The following ODF2L variants were observed in gnomAD, a reference collection of about 807,000 sequenced individuals.
The protein encoded by ODF2L is outer dense fiber of sperm tails 2 like, also known as protein BCAP.
Under a neutral mutation model 86.3 loss-of-function variants are expected in ODF2L, and 76 were observed. That is an observed-to-expected ratio of 0.88 (90% CI 0.73 to 1.07). ODF2L has a LOEUF of 1.07. Ranked by LOEUF, ODF2L falls within the 50% of genes least tolerant of loss-of-function variation. The probability of loss-of-function intolerance (pLI) is 0.00; values close to 1 mark genes in which losing one functional copy is unlikely to be tolerated. For synonymous variants in ODF2L, 241 were observed against 231.3 expected (o/e 1.04, Z -0.38); for missense variants, 748 against 717.4 (o/e 1.04, Z -0.49).
In ODF2L at chr1:86,373,735, T is replaced by C. The variant is rs192122230; in HGVS notation, c.811-1195A>G. On this transcript the variant is annotated intron_variant, in intron 8 of 17. Transcript: ENST00000317336. ...TCCACAGCTCCATAACATTTGGTGATGTACCTTACTTGTCTTTGCTATAAT... is the reference window on the plus strand; with the variant it reads ...TCCACAGCTCCATAACATTTGGTGACGTACCTTACTTGTCTTTGCTATAAT... Among the ~76,000 whole-genome samples, 15 of 151,934 alleles carry C rather than the reference T, an allele frequency of 9.9e-5. No homozygotes were observed. The East Asian group carries it at 2.7e-3, about 27-fold the overall frequency.
intron 7 of ODF2L, 125 bp downstream of exon 7, chr1:86,382,117 T>C: frequency 8.0e-7 from 1 of 1,246,102 alleles, no homozygotes; most frequent in Non-Finnish European, 1.0e-6. Flanking sequence ...ACCTTAAATA[T>C]GTATTTCCCA....
chr1:86,385,379 T>A (rs1660872304), intron 3 of ODF2L, 79 bp downstream of exon 3: 1 of 824,536 alleles, frequency 1.2e-6, no homozygotes, highest in South Asian at 1.8e-5. Context: ...CATACCTATA[T>A]AAGATATGAG....
chr1:86,358,030 A>T (rs772656581), intron 13 of ODF2L: 3 of 984,994 alleles, frequency 3.0e-6, no homozygotes, highest in African/African-American at 1.7e-5. Flanking sequence ...AGCTATCTTT[A>T]TGTCTGTATA....
intron 7 of ODF2L, among the ~76,000 whole-genome samples, chr1:86,380,392 A>G (rs1162483260): frequency 6.6e-6 from 1 of 152,196 alleles, no homozygotes; most frequent in Non-Finnish European, 1.5e-5. Context: ...AAACAGCAGT[A>G]CAGTAAGTCG....
chr1:86,360,680 T>C lies in ODF2L; in HGVS notation c.1144-144A>G, dbSNP rs562645596. The C allele has an allele frequency of 1.8e-4, 81 of 441,862 alleles. No homozygotes were observed. The East Asian group carries it at 2.8e-3, about 15-fold the overall frequency. The allele number at this position is 441,862 out of a possible 1,614,324, so 27.4% of individuals were successfully genotyped here. ...ATTTCATGCAATACCATCTAAAATT[T>C]AGGAATTTCACAAAGCTAGTGACTA... On this transcript the variant is annotated intron_variant, in intron 11 of 17. Coordinates refer to ENST00000317336, the Ensembl canonical transcript of ODF2L.
intron 7 of ODF2L, among the ~76,000 whole-genome samples, chr1:86,379,991 A>C (rs998802596): frequency 1.2e-4 from 19 of 152,336 alleles, no homozygotes; most frequent in Non-Finnish European, 1.9e-4. Context: ...AATTATTTTA[A>C]GACTGTGTAC....
chr1:86,347,167 C>A (rs1657847357), downstream of ODF2L: 1 of 152,240 alleles, frequency 6.6e-6, no homozygotes, highest in Non-Finnish European at 1.5e-5. Flanking sequence ...AAGTTTCATA[C>A]CACAGCCATG....
At chr1:86,392,094 A>G (rs570523739) in intron 1 of ODF2L, among the ~76,000 whole-genome samples, 118 of 152,326 alleles carry the variant, frequency 7.7e-4, no homozygotes, top group Non-Finnish European at 1.4e-3. Context: ...AAAATGCTCA[A>G]CATCACTAAT....
chr1:86,348,307 T>C (rs921601889), downstream of ODF2L: 1 of 151,866 alleles, frequency 6.6e-6, no homozygotes, highest in African/African-American at 2.4e-5. Context: ...TTAGAAAGTA[T>C]GTAATTACAC....
At chr1:86,382,326 T>C (rs371613769) in exon 7 of ODF2L, 2 of 1,611,922 alleles carry the variant, frequency 1.2e-6, no homozygotes, top group African/African-American at 1.3e-5. Context: ...CTTTTACTGA[T>C]TGGGAAAAAC....
downstream of ODF2L, chr1:86,348,885 A>G: frequency 6.5e-7 from 1 of 1,549,758 alleles, no homozygotes; most frequent in African/African-American, 1.4e-5. Flanking sequence ...CTTTCTAAAG[A>G]AAAAAGGAAA....
intron 11 of ODF2L, among the ~76,000 whole-genome samples, chr1:86,363,498 T>C (rs1462346338): frequency 1.3e-5 from 2 of 152,194 alleles, no homozygotes; most frequent in Admixed American, 6.5e-5. Context: ...ATTTTACTTA[T>C]AGTAGACACA....
chr1:86,392,014 CAA>C (rs1661367006), intron 1 of ODF2L, among the ~76,000 whole-genome samples: 1 of 152,006 alleles, frequency 6.6e-6, no homozygotes, highest in African/African-American at 2.4e-5. Flanking sequence ...AAAATCCCAT[CAA>C]AAAGTGGGCT....
chr1:86,354,717 A>T (rs756096526), intron 15 of ODF2L, 25 bp from the exon 15 acceptor site: 9 of 1,578,084 alleles, frequency 5.7e-6, no homozygotes, highest in Non-Finnish European at 7.8e-6. Flanking sequence ...CATATATTTT[A>T]AAATGTTAAT....
At chr1:86,387,148 TAA>T (rs1311493685) in intron 1 of ODF2L, 62 bp from the exon 2 acceptor site, 8 of 527,094 alleles carry the variant, frequency 1.5e-5, no homozygotes, top group Non-Finnish European at 2.6e-5. Context: ...TACTCTCTCA[TAA>T]AAAATAAAGG....
chr1:86,357,056 G>C (rs1479223778), intron 13 of ODF2L, among the ~76,000 whole-genome samples: 1 of 152,162 alleles, frequency 6.6e-6, no homozygotes, highest in Non-Finnish European at 1.5e-5. Flanking sequence ...AGCCAAAACT[G>C]ATAGGGTTTA....
chr1:86,372,509 G>A, exon 9 of ODF2L: 1 of 1,522,678 alleles, frequency 6.6e-7, no homozygotes, highest in South Asian at 1.4e-5. Flanking sequence ...CCAGGCATTG[G>A]AAGCTGAAAT....
intron 6 of ODF2L, 22 bp downstream of exon 6, chr1:86,382,909 C>A: frequency 7.6e-7 from 1 of 1,321,920 alleles, no homozygotes; most frequent in Non-Finnish European, 1.1e-6. Flanking sequence ...GAATTAAGCT[C>A]AAAAGCTCAA....
At chr1:86,372,997 A>C (rs1336370534) in intron 8 of ODF2L, among the ~76,000 whole-genome samples, 1 of 152,110 alleles carries the variant, frequency 6.6e-6, no homozygotes, top group Non-Finnish European at 1.5e-5. Flanking sequence ...GGGGTAAAAG[A>C]CTACACATTG....
Sources: allele counts gnomAD v4.1 joint callset (sites outside exome capture counted in the v4.1 genomes callset), GRCh38; gene constraint gnomAD v4.1.1; transcripts MANE v1.5; gene names NCBI Gene and HGNC (gene_info 2026-07-23, HGNC 2026-07-21).